The following XPO7 variants were observed in gnomAD, a reference collection of about 807,000 sequenced individuals.
XPO7 encodes the protein exportin 7.
XPO7 carries 21 observed loss-of-function variants against 144.3 expected under a neutral mutation model. That is an observed-to-expected ratio of 0.15 (90% CI 0.10 to 0.21). XPO7 has a LOEUF of 0.21. XPO7 is among the 10% of genes least tolerant of loss of function. XPO7 has a pLI of 1.00. For synonymous variants in XPO7, 580 were observed against 499.6 expected (o/e 1.16, Z -2.15); for missense variants, 808 against 1,325.8 (o/e 0.61, Z 6.06).
At chr8:21,974,533 A>C (rs933299239) in intron 5 of XPO7, 137 bp from the exon 6 acceptor site, 1 of 620,816 alleles carries the variant, frequency 1.6e-6, no homozygotes, top group African/African-American at 1.9e-5. Context: ...AGCGTTTCAC[A>C]ATAATTTAAA....
chr8:21,981,704 T>G (rs1381299141), intron 9 of XPO7, 27 bp from the exon 10 acceptor site: 11 of 1,611,772 alleles, frequency 6.8e-6, no homozygotes, highest in Non-Finnish European at 7.6e-6. Context: ...CATTTTACAT[T>G]TTATTTTTCT....
intron 1 of XPO7, among the ~76,000 whole-genome samples, chr8:21,941,957 A>G (rs1453231844): frequency 4.6e-5 from 7 of 152,228 alleles, no homozygotes; most frequent in Non-Finnish European, 7.3e-5. Context: ...AGAAGCACAC[A>G]TAGATGCTAA....
chr8:21,953,633 A>AT (rs1457016851), intron 1 of XPO7, among the ~76,000 whole-genome samples: 1 of 152,176 alleles, frequency 6.6e-6, no homozygotes, highest in Non-Finnish European at 1.5e-5. Flanking sequence ...TTGCATTCTC[A>AT]CCAACAGTTC....
At chr8:22,004,095 G>T (rs1263589354) in intron 27 of XPO7, 65 bp downstream of exon 27, 4 of 1,597,486 alleles carry the variant, frequency 2.5e-6, no homozygotes. Context: ...AACGAAACAG[G>T]CAGTTGCTTT....
chr8:21,928,743 T>C (rs554663929), intron 1 of XPO7, among the ~76,000 whole-genome samples: 1 of 152,376 alleles, frequency 6.6e-6, no homozygotes, highest in South Asian at 2.1e-4. Context: ...GAATAGCTTT[T>C]ACATTTTAAA....
intron 24 of XPO7, among the ~76,000 whole-genome samples, chr8:22,000,800 A>G (rs968670992): frequency 6.6e-6 from 1 of 152,206 alleles, no homozygotes; most frequent in Non-Finnish European, 1.5e-5. Flanking sequence ...ACACATTTTT[A>G]TATTAGGCTG....
chr8:22,003,688 A>G (rs938631262), intron 26 of XPO7, among the ~76,000 whole-genome samples: 1 of 152,248 alleles, frequency 6.6e-6, no homozygotes, highest in Non-Finnish European at 1.5e-5. Context: ...TGACCCTTTT[A>G]AAGTGCTTTA....
At chr8:21,945,270 A>G (rs749532607) in intron 1 of XPO7, among the ~76,000 whole-genome samples, 1 of 152,210 alleles carries the variant, frequency 6.6e-6, no homozygotes, top group Non-Finnish European at 1.5e-5. Flanking sequence ...TTAATCTCAA[A>G]GGAATTATCC....
intron 1 of XPO7, among the ~76,000 whole-genome samples, chr8:21,938,059 GATTTAAATT>G (rs1193792228): frequency 6.6e-6 from 1 of 151,772 alleles, no homozygotes; most frequent in Non-Finnish European, 1.5e-5. Context: ...CTCTGGTATT[GATTTAAATT>G]ATTTTGATTT....
chr8:21,936,569 G>A (rs1810828958), intron 1 of XPO7, among the ~76,000 whole-genome samples: 1 of 151,860 alleles, frequency 6.6e-6, no homozygotes, highest in African/African-American at 2.4e-5. Context: ...GTATTTTTTT[G>A]GCTCATTGGT....
chr8:21,950,325 A>T (rs1008448659), intron 1 of XPO7, among the ~76,000 whole-genome samples: 1 of 152,244 alleles, frequency 6.6e-6, no homozygotes, highest in Admixed American at 6.5e-5. Flanking sequence ...ACATTTTCAA[A>T]GAAACACCTG....
chr8:21,923,052 C>T (rs1810341305), intron 1 of XPO7, among the ~76,000 whole-genome samples: 1 of 152,152 alleles, frequency 6.6e-6, no homozygotes, highest in Non-Finnish European at 1.5e-5. Context: ...CAGCTTTTAA[C>T]AATATGCAAG....
chr8:21,985,172 G>A (rs938081234), intron 12 of XPO7, among the ~76,000 whole-genome samples: 3 of 152,154 alleles, frequency 2.0e-5, no homozygotes, highest in Non-Finnish European at 4.4e-5. Context: ...CCTGGCTCCT[G>A]TCTGCTTTTT....
intron 19 of XPO7, among the ~76,000 whole-genome samples, chr8:21,993,876 T>C (rs1331949844): frequency 6.6e-6 from 1 of 151,990 alleles, no homozygotes; most frequent in Admixed American, 6.6e-5. Context: ...TTTTTCTTTT[T>C]TGCTTTTTTC....
At chr8:21,922,027 G>T (rs1810305472) in intron 1 of XPO7, among the ~76,000 whole-genome samples, 1 of 152,190 alleles carries the variant, frequency 6.6e-6, no homozygotes, top group African/African-American at 2.4e-5. Context: ...GCAATGCATT[G>T]AGGGGAGGGT....
chr8:22,001,455 G>A lies in XPO7; in HGVS notation c.2783-657G>A, dbSNP rs6987841. Among the ~76,000 whole-genome samples the A allele has an allele frequency of 5.2e-3, 796 of 152,280 alleles. 6 individuals are homozygous for A. The highest frequency in any genetic ancestry group is 0.018 in the African/African-American group (753 of 41,546). On this transcript the variant is annotated intron_variant, in intron 24 of 27. Coordinates refer to ENST00000252512, the MANE Select transcript of XPO7 (RefSeq NM_015024.5). Reference sequence around the variant, plus strand: ...CTCATCAGAGTTCTGTCCACAGGTTGTGCTGTACTGTTCCCTTTGTAAAGA... The same window carrying A: ...CTCATCAGAGTTCTGTCCACAGGTTATGCTGTACTGTTCCCTTTGTAAAGA...
At chr8:21,949,431 C>G (rs186143324) in intron 1 of XPO7, among the ~76,000 whole-genome samples, 1 of 152,170 alleles carries the variant, frequency 6.6e-6, no homozygotes, top group Non-Finnish European at 1.5e-5. Flanking sequence ...TGGATTCTTA[C>G]TATGTGTGAT....
intron 1 of XPO7, among the ~76,000 whole-genome samples, chr8:21,961,792 A>G (rs1299032865): frequency 6.6e-6 from 1 of 152,166 alleles, no homozygotes; most frequent in East Asian, 1.9e-4. Context: ...CCTCCCAAGT[A>G]GCTGGGACTA....
rs1374533722 is a variant in XPO7 at position 21,991,760 on chromosome 8, C to A, written c.2042-108C>A. The A allele has an allele frequency of 1.2e-5, 8 of 684,812 alleles. No homozygotes were observed. In the Admixed American group the frequency reaches 2.6e-4, roughly 22 times the overall value. 42.4% of individuals were successfully genotyped at this position (684,812 alleles called of 1,614,324 possible). Reference sequence around the variant, plus strand: ...AATACCTGTTGGGATAATAAAGGGACCCCCTTGAGTTCCCCTGGGTTTGCT... The same window carrying A: ...AATACCTGTTGGGATAATAAAGGGAACCCCTTGAGTTCCCCTGGGTTTGCT... On this transcript the variant is annotated intron_variant, in intron 18 of 27. Coordinates refer to ENST00000252512, the MANE Select transcript of XPO7 (RefSeq NM_015024.5).
Sources: allele counts gnomAD v4.1 joint callset (sites outside exome capture counted in the v4.1 genomes callset), GRCh38; gene constraint gnomAD v4.1.1; transcripts MANE v1.5; gene names NCBI Gene and HGNC (gene_info 2026-07-23, HGNC 2026-07-21).